ERC1: variants seen among roughly 807,000 people sequenced by gnomAD.
ERC1 encodes RAB6 interacting protein 2.
In ERC1, 56 loss-of-function variants were observed where a neutral mutation model predicts 132.0. That is an observed-to-expected ratio of 0.42 (90% CI 0.34 to 0.53). The LOEUF is 0.53. Among genes scored for constraint, ERC1 ranks in the 20% least tolerant of loss-of-function variants. ERC1 has a pLI of 0.03. For missense variants in ERC1, 1,202 were observed against 1,349.9 expected (o/e 0.89, Z 1.72); for synonymous variants, 478 against 476.1 (o/e 1.00, Z -0.05).
intron 3 of ERC1, among the ~76,000 whole-genome samples, chr12:1,096,336 T>TA (rs1565955697): frequency 3.3e-5 from 5 of 152,348 alleles, no homozygotes; most frequent in South Asian, 4.1e-4. Flanking sequence ...TGTTATTTTT[T>TA]AAAAAATGCA....
At chr12:1,202,870 T>C (rs1331719281) in intron 12 of ERC1, among the ~76,000 whole-genome samples, 1 of 152,222 alleles carries the variant, frequency 6.6e-6, no homozygotes, top group African/African-American at 2.4e-5. Flanking sequence ...TTTGACTTCC[T>C]GTGTCACAAC....
chr12:1,362,223 A>G (rs796977057), intron 15 of ERC1, among the ~76,000 whole-genome samples: 42 of 152,342 alleles, frequency 2.8e-4, no homozygotes, highest in African/African-American at 9.9e-4. Context: ...TCAGTCTGAC[A>G]GCACTGAAGC....
chr12:1,213,038 G>A (rs1235218357), intron 12 of ERC1, among the ~76,000 whole-genome samples: 1 of 152,146 alleles, frequency 6.6e-6, no homozygotes, highest in Non-Finnish European at 1.5e-5. Context: ...AATGCCTAAA[G>A]CTTATTTTTT....
chr12:1,247,076 C>T (rs1352541954), intron 13 of ERC1, among the ~76,000 whole-genome samples: 1 of 142,878 alleles, frequency 7.0e-6, no homozygotes, highest in South Asian at 2.3e-4. Context: ...TTGCAGTGAG[C>T]CCAGGAGTTT....
intron 16 of ERC1, among the ~76,000 whole-genome samples, chr12:1,394,067 A>T (rs12309281): frequency 0.26 from 34,169 of 132,348 alleles, 5,702 homozygotes; most frequent in Middle Eastern, 0.3. Context: ...AAGCAATTTA[A>T]TTTCTGTATA....
intron 11 of ERC1, among the ~76,000 whole-genome samples, chr12:1,189,483 T>C (rs924235995): frequency 3.9e-5 from 6 of 152,224 alleles, no homozygotes; most frequent in Non-Finnish European, 8.8e-5. Flanking sequence ...GGTCCGGCTA[T>C]ACGATCAGCA....
intron 15 of ERC1, among the ~76,000 whole-genome samples, chr12:1,306,725 T>G (rs1022726018): frequency 2.0e-5 from 3 of 152,108 alleles, no homozygotes; most frequent in Non-Finnish European, 4.4e-5. Context: ...AAAGTTGGGT[T>G]TTTTTTGTTT....
At chr12:1,154,100 A>G (rs1951087838) in intron 8 of ERC1, among the ~76,000 whole-genome samples, 1 of 151,936 alleles carries the variant, frequency 6.6e-6, no homozygotes, top group African/African-American at 2.4e-5. Flanking sequence ...TTGGTTTTCC[A>G]TTCCTGAGTT....
chr12:1,291,381 C>T (rs2079441190), intron 15 of ERC1, among the ~76,000 whole-genome samples: 2 of 152,176 alleles, frequency 1.3e-5, no homozygotes, highest in African/African-American at 4.8e-5. Context: ...GGAAAGTCCT[C>T]CCTGTGACTG....
At chr12:1,322,583 CAG>C (rs1485464882) in intron 15 of ERC1, among the ~76,000 whole-genome samples, 1 of 152,078 alleles carries the variant, frequency 6.6e-6, no homozygotes, top group African/African-American at 2.4e-5. Flanking sequence ...AAACCCATGC[CAG>C]AGAGGGGTAT....
At chr12:1,235,705 T>C (rs1361700445) in intron 12 of ERC1, among the ~76,000 whole-genome samples, 1 of 152,104 alleles carries the variant, frequency 6.6e-6, no homozygotes, top group Non-Finnish European at 1.5e-5. Context: ...TGTGGAGAGG[T>C]ATAATGGCCA....
At chr12:1,163,807 C>T (rs552407456) in intron 8 of ERC1, among the ~76,000 whole-genome samples, 1 of 152,322 alleles carries the variant, frequency 6.6e-6, no homozygotes, top group East Asian at 1.9e-4. Flanking sequence ...CCTCTACCTC[C>T]TGGGTTCAAG....
chr12:1,070,181 A>G (rs1940064915), intron 2 of ERC1, among the ~76,000 whole-genome samples: 1 of 152,238 alleles, frequency 6.6e-6, no homozygotes, highest in South Asian at 2.1e-4. Context: ...TTTTACCTTA[A>G]GAATGTAAGG....
chr12:1,349,975 T>G (rs1161719538), intron 15 of ERC1, among the ~76,000 whole-genome samples: 2 of 152,216 alleles, frequency 1.3e-5, no homozygotes, highest in Non-Finnish European at 2.9e-5. Context: ...AGGTCCACTC[T>G]ACTGTTCCTT....
intron 17 of ERC1, among the ~76,000 whole-genome samples, chr12:1,442,869 A>G (rs534513354): frequency 6.6e-6 from 1 of 152,336 alleles, no homozygotes; most frequent in South Asian, 2.1e-4. Flanking sequence ...AAGACTTGGC[A>G]GGAAAATTTC....
At chr12:1,266,970 T>G (rs1378671298) in intron 14 of ERC1, among the ~76,000 whole-genome samples, 1 of 152,246 alleles carries the variant, frequency 6.6e-6, no homozygotes, top group African/African-American at 2.4e-5. Context: ...GCCATAGCTC[T>G]TATTAAAATA....
intron 3 of ERC1, among the ~76,000 whole-genome samples, chr12:1,103,530 T>C (rs114373233): frequency 6.6e-6 from 1 of 152,182 alleles, no homozygotes; most frequent in African/African-American, 2.4e-5. Flanking sequence ...TATTTTTGTT[T>C]AGTGGTTCAT....
chr12:1,209,919 A>G (rs1342757178), intron 12 of ERC1, among the ~76,000 whole-genome samples: 2 of 152,226 alleles, frequency 1.3e-5, no homozygotes, highest in Non-Finnish European at 2.9e-5. Context: ...CCTTGGGTTT[A>G]GGATATCAAG....
chr12:1,419,009 C>A (rs1029048892), intron 17 of ERC1, among the ~76,000 whole-genome samples: 1 of 152,042 alleles, frequency 6.6e-6, no homozygotes, highest in Middle Eastern at 3.4e-3. Context: ...CCACAGAGAC[C>A]GGCTGAGGTC....
Sources: allele counts gnomAD v4.1 joint callset (sites outside exome capture counted in the v4.1 genomes callset), GRCh38; gene constraint gnomAD v4.1.1; transcripts MANE v1.5; gene names NCBI Gene and HGNC (gene_info 2026-07-23, HGNC 2026-07-21).